LRRFIP1: variants seen among roughly 807,000 people sequenced by gnomAD.
LRRFIP1 encodes the protein LRR binding FLII interacting protein 1.
A neutral mutation model predicts 104.4 loss-of-function variants in LRRFIP1; 62 were observed. The observed-to-expected ratio is 0.59, with a 90% confidence interval of 0.48 to 0.73. The LOEUF (loss-of-function observed/expected upper bound fraction) is 0.73. Among genes scored for constraint, LRRFIP1 ranks in the 30% least tolerant of loss-of-function variants. The pLI is 0.00. For missense variants in LRRFIP1, 796 were observed against 824.5 expected (o/e 0.97, Z 0.42); for synonymous variants, 300 against 299.0 (o/e 1.00, Z -0.03).
chr2:237,775,170 C>T (rs10176729), intron 23 of LRRFIP1, among the ~76,000 whole-genome samples: 39,063 of 152,098 alleles, frequency 0.26, 5,148 homozygotes, highest in East Asian at 0.37. Context: ...GGCTGGGGTG[C>T]GGAATGGCCC....
intron 19 of LRRFIP1, chr2:237,769,029 G>A (rs1361098856): frequency 6.6e-6 from 1 of 152,240 alleles, no homozygotes; most frequent in African/African-American, 2.4e-5. Flanking sequence ...CTTGCTTAGT[G>A]GTTCTGGGCC....
chr2:237,754,836 G>A (rs2059083249), intron 15 of LRRFIP1, among the ~76,000 whole-genome samples: 1 of 152,174 alleles, frequency 6.6e-6, no homozygotes, highest in Non-Finnish European at 1.5e-5. Flanking sequence ...CATTCCTCCT[G>A]GAATGCTGTC....
chr2:237,720,511 A>G (rs1019599768), intron 5 of LRRFIP1, among the ~76,000 whole-genome samples: 6 of 152,166 alleles, frequency 3.9e-5, no homozygotes, highest in African/African-American at 1.4e-4. Flanking sequence ...CGGCCTCCCA[A>G]AATGCTGGGA....
intron 4 of LRRFIP1, among the ~76,000 whole-genome samples, chr2:237,718,790 A>G (rs1406768452): frequency 6.6e-6 from 1 of 152,258 alleles, no homozygotes; most frequent in Non-Finnish European, 1.5e-5. Flanking sequence ...CTTCAGATAT[A>G]CAGAGCACAC....
At chr2:237,724,049 CTT>C (rs35094499) in intron 7 of LRRFIP1, among the ~76,000 whole-genome samples, 155 of 142,920 alleles carry the variant, frequency 1.1e-3, no homozygotes, top group African/African-American at 1.6e-3. Flanking sequence ...TACAATCTGA[CTT>C]TTTTTTTTTT....
chr2:237,661,689 G>A lies in LRRFIP1; in HGVS notation c.96+33949G>A, dbSNP rs1282919015. On this transcript the variant is annotated intron_variant, in intron 1 of 23. Coordinates refer to ENST00000308482, the MANE Select transcript of LRRFIP1 (RefSeq NM_001137550.2). This position sits in a 1 kb window ranked among gnomAD's most constrained non-coding sequence, Gnocchi z 4.4. ...TCCGAAAGCACATTCCAGGGGGACA[G>A]TTGTGTCCCTGGTGCAACACGGGAG... Among the ~76,000 whole-genome samples, 2 of 152,234 alleles carry A rather than the reference G, an allele frequency of 1.3e-5. No homozygotes were observed. The highest frequency in any genetic ancestry group is 4.8e-5 in the African/African-American group (2 of 41,472).
chr2:237,655,910 T>A lies in LRRFIP1; in HGVS notation c.96+28170T>A, dbSNP rs534182653. 5.9e-5 allele frequency among the ~76,000 whole-genome samples: 9 copies of A among 152,336 alleles called. No homozygotes were observed. In the South Asian group the frequency reaches 1.9e-3, roughly 32 times the overall value. On this transcript the variant is annotated intron_variant, in intron 1 of 23. Transcript: ENST00000308482. ...AAGACTCACAATTCCACAAACAGGG[T>A]GGACATCGCTTTCCAGTTTACTCTT...
At chr2:237,638,232 C>T (rs977664475) in intron 1 of LRRFIP1, among the ~76,000 whole-genome samples, 3 of 152,150 alleles carry the variant, frequency 2.0e-5, no homozygotes, top group Admixed American at 1.3e-4. Flanking sequence ...TGATGGGAGA[C>T]AGTGACAGAT....
chr2:237,732,048 A>T (rs1286074608), intron 8 of LRRFIP1, among the ~76,000 whole-genome samples: 1 of 152,176 alleles, frequency 6.6e-6, no homozygotes, highest in Admixed American at 6.5e-5. Context: ...ATCAATTAAA[A>T]TTTATTTCAA....
chr2:237,742,384 CT>C (rs901607687), intron 11 of LRRFIP1, among the ~76,000 whole-genome samples: 2 of 152,188 alleles, frequency 1.3e-5, no homozygotes, highest in Admixed American at 1.3e-4. Flanking sequence ...TCCTGGGTGC[CT>C]TACATCTGAT....
In LRRFIP1 at chr2:237,772,739, A is replaced by C. The variant is rs1172341527; in HGVS notation, c.1628-127A>C. On this transcript the variant is annotated intron_variant, in intron 21 of 23. Coordinates refer to ENST00000308482, the MANE Select transcript of LRRFIP1 (RefSeq NM_001137550.2). ...TACTCTCAGCTCTGGGAGGTTGTGGAGGCAGGGCCAGAACTAACAGATTTG... is the reference window on the plus strand; with the variant it reads ...TACTCTCAGCTCTGGGAGGTTGTGGCGGCAGGGCCAGAACTAACAGATTTG... The C allele has an allele frequency of 7.4e-6, 5 of 672,638 alleles. No individual in the cohort carries two copies. In the African/African-American group the frequency reaches 9.0e-5, roughly 12 times the overall value. 41.7% of individuals were successfully genotyped at this position (672,638 alleles called of 1,614,324 possible).
Position 237,720,785 on chromosome 2 carries a change from A to T in LRRFIP1, c.308A>T (p.Asp103Val), listed in dbSNP as rs2094509673. The change falls in exon 6 of 24, where the codon GAC (aspartate) becomes GTC (valine). Residue 103 changes from aspartate to valine, a missense_variant. Physicochemically the swap from Asp to Val is radical, Grantham distance 152. Coordinates refer to ENST00000308482, the MANE Select transcript of LRRFIP1 (RefSeq NM_001137550.2). ...TTCTTTTAATAGGCTTCTGATGAAG[A>T]CGAGCGCATGTCAGTGGGTAGTCGT... is the stretch of plus-strand genomic sequence containing the variant. ...SRRNTSASDE[D>V]ERMSVGSRGS... The T allele has an allele frequency of 6.2e-7, 1 of 1,613,976 alleles. No homozygotes were observed. Among genetic ancestry groups the T allele is most frequent in the Non-Finnish European group, 8.5e-7 (1 of 1,179,964 alleles).
intron 23 of LRRFIP1, among the ~76,000 whole-genome samples, chr2:237,777,892 T>A (rs986254345): frequency 6.6e-6 from 1 of 152,178 alleles, no homozygotes; most frequent in Non-Finnish European, 1.5e-5. Flanking sequence ...TCCTTACCTC[T>A]CTCTATTGGA....
At chr2:237,629,151 C>G (rs1376709964) in intron 1 of LRRFIP1, among the ~76,000 whole-genome samples, 4 of 152,258 alleles carry the variant, frequency 2.6e-5, no homozygotes, top group Admixed American at 1.3e-4. Flanking sequence ...GAGCTCAGCA[C>G]AGAGCCAGGC....
At chr2:237,742,807 T>C (rs2057295196) in intron 11 of LRRFIP1, among the ~76,000 whole-genome samples, 1 of 152,040 alleles carries the variant, frequency 6.6e-6, no homozygotes, top group African/African-American at 2.4e-5. Context: ...CAGGGCCTGG[T>C]GTAAGCGTGG....
chr2:237,704,693 AG>A (rs1363946098), intron 1 of LRRFIP1, among the ~76,000 whole-genome samples: 4 of 152,090 alleles, frequency 2.6e-5, no homozygotes, highest in African/African-American at 9.7e-5. Context: ...GAGGATCGTA[AG>A]GGGGGTAGAT....
intron 6 of LRRFIP1, 123 bp from the exon 7 acceptor site, chr2:237,723,424 GA>G: frequency 1.1e-6 from 1 of 950,752 alleles, no homozygotes; most frequent in Non-Finnish European, 1.6e-6. Context: ...AGAAATTATG[GA>G]AAAATGCATT....
In LRRFIP1 at chr2:237,650,991, T is replaced by C. The variant is rs544956111; in HGVS notation, c.96+23251T>C. ...ATGCGTATCGGGTCACTCTGGGGTA[T>C]GGGTTTCTGATTAGGGGAGTTCAGA... On this transcript the variant is annotated intron_variant, in intron 1 of 23. Coordinates refer to ENST00000308482, the MANE Select transcript of LRRFIP1 (RefSeq NM_001137550.2). 9.8e-5 allele frequency among the ~76,000 whole-genome samples: 15 copies of C among 152,314 alleles called. 1 individual carries two copies. Among genetic ancestry groups the C allele is most frequent in the African/African-American group, 3.6e-4 (15 of 41,558 alleles).
At chr2:237,629,016 T>C (rs2081977503) in intron 1 of LRRFIP1, among the ~76,000 whole-genome samples, 1 of 152,172 alleles carries the variant, frequency 6.6e-6, no homozygotes, top group African/African-American at 2.4e-5. Context: ...GGCCTAAGTC[T>C]CCCTGGCTCC....
Sources: gnomAD v4.1 joint callset for allele counts (sites outside exome capture counted in the v4.1 genomes callset) on GRCh38, gnomAD v4.1.1 for gene constraint, Gnocchi (gnomAD v3.1) non-coding constraint, MANE v1.5 for transcripts, NCBI Gene and HGNC (gene_info 2026-07-23, HGNC 2026-07-21) for gene names.